PDE4B: variants seen among roughly 807,000 people sequenced by gnomAD.
PDE4B encodes phosphodiesterase 4B, also known as 3',5'-cyclic-AMP phosphodiesterase 4B.
PDE4B carries 20 observed loss-of-function variants against 82.2 expected under a neutral mutation model. The observed-to-expected ratio is 0.24, with a 90% CI of 0.17 to 0.35. PDE4B has a LOEUF of 0.35. PDE4B is among the 10% of genes least tolerant of loss of function. PDE4B has a pLI of 1.00. For missense variants in PDE4B, 655 were observed against 907.2 expected (o/e 0.72, Z 3.57); for synonymous variants, 320 against 318.9 (o/e 1.00, Z -0.04).
chr1:66,260,247 T>C (rs926143401), intron 6 of PDE4B, among the ~76,000 whole-genome samples: 4 of 152,216 alleles, frequency 2.6e-5, no homozygotes, highest in Non-Finnish European at 2.9e-5. Flanking sequence ...GGCAAGAACG[T>C]ACAGCTTCCA....
chr1:66,343,947 A>G (rs1185733915), intron 8 of PDE4B, among the ~76,000 whole-genome samples: 1 of 151,994 alleles, frequency 6.6e-6, no homozygotes, highest in Non-Finnish European at 1.5e-5. Context: ...ATACTTTTGT[A>G]TGATGGTGAG....
intron 3 of PDE4B, among the ~76,000 whole-genome samples, chr1:65,927,458 TTA>T (rs1200449583): frequency 3.6e-4 from 53 of 146,666 alleles, no homozygotes; most frequent in African/African-American, 6.0e-4. Context: ...ATAATATGTA[TTA>T]TATATATAAT....
rs755782312 is a variant in PDE4B, at chr1:66,247,539, C to T, written c.361C>T (p.His121Tyr). Residue 121 changes from histidine (H) to tyrosine (Y), a missense_variant, in exon 4 of 17, where the codon CAC becomes TAC. Transcript: ENST00000341517. ...QASSSAGLVL[H>Y]ATFPGHSQRR... ...CAGCTCTTCCGCTGGGCTGGTACTT[C>T]ACGCCACCTTTCCTGGGCACAGCCA... 26 of 1,612,930 alleles carry T rather than the reference C, an allele frequency of 1.6e-5. No homozygotes were observed. The Admixed American group carries it at 4.3e-4, about 27-fold the overall frequency.
intron 3 of PDE4B, among the ~76,000 whole-genome samples, chr1:66,154,378 T>G (rs1385721057): frequency 6.6e-6 from 1 of 152,144 alleles, no homozygotes; most frequent in Non-Finnish European, 1.5e-5. Context: ...CCCTTCTTCT[T>G]TGATAGAATG....
At chr1:66,061,989 A>G (rs1466473590) in intron 3 of PDE4B, among the ~76,000 whole-genome samples, 1 of 152,184 alleles carries the variant, frequency 6.6e-6, no homozygotes, top group Non-Finnish European at 1.5e-5. Flanking sequence ...TGTGAGGTTC[A>G]TAAAGAAGCA....
chr1:65,897,595 T>C (rs937062539), intron 1 of PDE4B, among the ~76,000 whole-genome samples: 5 of 152,124 alleles, frequency 3.3e-5, no homozygotes, highest in Non-Finnish European at 7.4e-5. Flanking sequence ...TTTGGTTTTC[T>C]ATTCTTGTGT....
At chr1:66,178,047 A>G (rs1019167172) in intron 3 of PDE4B, among the ~76,000 whole-genome samples, 2 of 151,898 alleles carry the variant, frequency 1.3e-5, no homozygotes, top group African/African-American at 2.4e-5. Context: ...AAAAAAGAAA[A>G]GACAATGAAA....
intron 3 of PDE4B, among the ~76,000 whole-genome samples, chr1:65,973,755 T>A (rs541846359): frequency 6.6e-6 from 1 of 152,154 alleles, no homozygotes; most frequent in South Asian, 2.1e-4. Flanking sequence ...AGAATTCTAA[T>A]CTAAAGCATA....
chr1:66,203,180 C>T (rs1649175039), intron 3 of PDE4B, among the ~76,000 whole-genome samples: 2 of 152,250 alleles, frequency 1.3e-5, no homozygotes, highest in African/African-American at 4.8e-5. Flanking sequence ...TTGGCCCCCA[C>T]TGTCTTCTGG....
chr1:66,044,507 T>G (rs185849330), intron 3 of PDE4B, among the ~76,000 whole-genome samples: 1 of 151,862 alleles, frequency 6.6e-6, no homozygotes, highest in African/African-American at 2.4e-5. Context: ...TTGAATTGCT[T>G]TAGCAGAGGG....
At chr1:66,188,657 C>A (rs531424110) in intron 3 of PDE4B, among the ~76,000 whole-genome samples, 46 of 151,770 alleles carry the variant, frequency 3.0e-4, no homozygotes, top group African/African-American at 7.2e-4. Context: ...AGGATTGCAA[C>A]CCCTGCCTTT....
chr1:65,918,576 C>A (rs756110634), intron 2 of PDE4B, 21 bp from the exon 3 acceptor site: 2 of 1,351,724 alleles, frequency 1.5e-6, no homozygotes, highest in Non-Finnish European at 2.1e-6. Context: ...TTCTTTTTTT[C>A]TTTCCCTGTG....
At chr1:65,940,307 C>T (rs548551553) in intron 3 of PDE4B, among the ~76,000 whole-genome samples, 3 of 151,864 alleles carry the variant, frequency 2.0e-5, no homozygotes, top group East Asian at 1.9e-4. Context: ...GAATGGAAAG[C>T]GCGTGGGGAG....
intron 3 of PDE4B, among the ~76,000 whole-genome samples, chr1:66,155,061 T>A (rs895906462): frequency 6.6e-6 from 1 of 152,082 alleles, no homozygotes; most frequent in African/African-American, 2.4e-5. Flanking sequence ...CCCGGGAGGT[T>A]GAGTCTGCAG....
chr1:65,907,685 T>C (rs1647042534), intron 1 of PDE4B, among the ~76,000 whole-genome samples: 1 of 152,204 alleles, frequency 6.6e-6, no homozygotes, highest in South Asian at 2.1e-4. Context: ...TATGAATTGA[T>C]AAAATTTCCA....
rs190126650 is a variant in PDE4B, at chr1:65,849,784, C to T, written c.-71+56536C>T. Among the ~76,000 whole-genome samples the T allele has an allele frequency of 2.5e-3, 388 of 152,270 alleles. 2 individuals are homozygous for T. Among genetic ancestry groups the T allele is most frequent in the Admixed American group, 1.8e-3 (27 of 15,296 alleles). The stretch of plus-strand genomic sequence containing the variant: ...AAACATACCAGAACCAGAACAAGAA[C>T]GCCCCTTTTCTCTATTGTCTTTTTG... On this transcript the variant is annotated intron_variant, in intron 1 of 16. Transcript: ENST00000341517.
At chr1:66,338,085 C>T (rs1176148466) in intron 8 of PDE4B, among the ~76,000 whole-genome samples, 1 of 152,172 alleles carries the variant, frequency 6.6e-6, no homozygotes, top group East Asian at 1.9e-4. Flanking sequence ...TGTATGCAAA[C>T]ATTGTGCTAA....
In PDE4B at chr1:66,361,671, A is replaced by G. The variant is rs1662783208; in HGVS notation, c.898A>G (p.Lys300Glu). The G allele has an allele frequency of 6.2e-7, 1 of 1,613,630 alleles. No homozygotes were observed. The highest frequency in any genetic ancestry group is 1.7e-5 in the Admixed American group (1 of 59,990). ...SPTQKDREKK[K>E]KQQLMTQISG... ...TACCCAGAAAGACAGGGAGAAAAAGAAAAAGCAGCAGCTCATGACCCAGAT... is the reference window on the plus strand; with the variant it reads ...TACCCAGAAAGACAGGGAGAAAAAGGAAAAGCAGCAGCTCATGACCCAGAT... The change falls in exon 10 of 17, where the codon AAA (lysine) becomes GAA (glutamate). Residue 300 changes from lysine to glutamate, a missense_variant. Physicochemically the swap from Lys to Glu is moderately conservative, Grantham distance 56. This residue lies in a region of PDE4B where 283 missense variants were observed against 516.4 expected (regional missense o/e 0.55). Coordinates refer to ENST00000341517, the MANE Select transcript of PDE4B (RefSeq NM_002600.4).
rs2050749443 is a variant in PDE4B at position 66,371,094 on chromosome 1, C to CTACATATATATATA, written c.1846-1217_1846-1216insCATATATATATATA. 8.0e-5 allele frequency among the ~76,000 whole-genome samples: 6 copies of CTACATATATATATA among 74,842 alleles called. No homozygotes were observed. The East Asian group carries it at 4.7e-3, about 59-fold the overall frequency. 49.1% of individuals were successfully genotyped at this position (74,842 alleles called of 152,430 possible). A position where few individuals can be genotyped will look rare whatever the true frequency, so the allele number is the denominator to read the frequency against. ...TATATATATATACACACACATCATA[C>CTACATATATATATA]TATATATATATATATATATATATAT... On this transcript the variant is annotated intron_variant, in intron 16 of 16. Coordinates refer to ENST00000341517, the MANE Select transcript of PDE4B (RefSeq NM_002600.4).
Sources: gnomAD v4.1 joint callset for allele counts (sites outside exome capture counted in the v4.1 genomes callset) on GRCh38, gnomAD v4.1.1 for gene constraint, gnomAD v4.1.1 regional missense constraint, MANE v1.5 for transcripts, NCBI Gene and HGNC (gene_info 2026-07-23, HGNC 2026-07-21) for gene names.